Variants in EMSY observed in about 807,000 individuals in gnomAD.
EMSY encodes the protein EMSY transcriptional repressor, BRCA2 interacting, also known as BRCA2-interacting transcriptional repressor EMSY.
A neutral mutation model predicts 134.6 loss-of-function variants in EMSY; 26 were observed. That is an observed-to-expected ratio of 0.19 (90% CI 0.14 to 0.27). The LOEUF is 0.27. Among genes scored for constraint, EMSY ranks in the 10% least tolerant of loss-of-function variants. The probability of loss-of-function intolerance (pLI) is 1.00; values close to 1 mark genes in which losing one functional copy is unlikely to be tolerated. For synonymous variants in EMSY, 579 were observed against 577.8 expected, an observed-to-expected ratio of 1.00 and a Z score of -0.03; for missense variants, 1,305 against 1,611.4, an observed-to-expected ratio of 0.81 and a Z score of 3.26.
intron 8 of EMSY, among the ~76,000 whole-genome samples, chr11:76,483,658 T>C (rs1949067739): frequency 6.6e-6 from 1 of 152,044 alleles, no homozygotes; most frequent in South Asian, 2.1e-4. Flanking sequence ...GACAAGGGCA[T>C]TACATAATGG....
intron 14 of EMSY, among the ~76,000 whole-genome samples, chr11:76,531,327 C>A (rs1951033299): frequency 6.6e-6 from 1 of 152,202 alleles, no homozygotes; most frequent in Admixed American, 6.5e-5. Context: ...CAGGTCGACA[C>A]ATTGCATTTA....
At chr11:76,512,982 G>A (rs1950330238) in intron 9 of EMSY, among the ~76,000 whole-genome samples, 1 of 152,044 alleles carries the variant, frequency 6.6e-6, no homozygotes. Context: ...TGAATATTTT[G>A]GCGAAGTTGG....
intron 16 of EMSY, among the ~76,000 whole-genome samples, chr11:76,538,521 A>G (rs1435066775): frequency 6.6e-6 from 1 of 152,140 alleles, no homozygotes; most frequent in African/African-American, 2.4e-5. Context: ...TTGGCCTCCC[A>G]AAGTGCTGGA....
chr11:76,481,909 C>T (rs975820532), intron 8 of EMSY, among the ~76,000 whole-genome samples: 15 of 152,206 alleles, frequency 9.9e-5, no homozygotes, highest in Non-Finnish European at 1.6e-4. Flanking sequence ...AAGGGACAGA[C>T]TGCCTCCTCA....
At chr11:76,496,130 A>G (rs1949644985) in intron 8 of EMSY, 85 bp from the exon 10 acceptor site, 4 of 1,395,370 alleles carry the variant, frequency 2.9e-6, no homozygotes, top group African/African-American at 2.9e-5. Context: ...CCTATTCTTT[A>G]AACTATTATC....
exon 19 of EMSY, chr11:76,544,356 G>A (rs774216460): frequency 6.2e-7 from 1 of 1,614,134 alleles, no homozygotes; most frequent in Non-Finnish European, 8.5e-7. Context: ...CCTCAGACAG[G>A]TCTGTTTTAC....
intron 7 of EMSY, among the ~76,000 whole-genome samples, chr11:76,465,417 A>C (rs1370281080): frequency 1.3e-5 from 2 of 152,200 alleles, no homozygotes; most frequent in Admixed American, 1.3e-4. Flanking sequence ...TTTATTTTAT[A>C]GGATTTTTGG....
At chr11:76,457,126 A>G (rs1590785783) in intron 4 of EMSY, among the ~76,000 whole-genome samples, 1 of 152,026 alleles carries the variant, frequency 6.6e-6, no homozygotes, top group African/African-American at 2.4e-5. Context: ...GTGCTTAATG[A>G]TAACTATCAT....
chr11:76,512,984 C>T (rs545920197), intron 9 of EMSY, among the ~76,000 whole-genome samples: 1 of 152,110 alleles, frequency 6.6e-6, no homozygotes, highest in Non-Finnish European at 1.5e-5. Context: ...AATATTTTGG[C>T]GAAGTTGGGG....
chr11:76,475,167 G>A (rs1415588919), intron 8 of EMSY, among the ~76,000 whole-genome samples: 1 of 152,114 alleles, frequency 6.6e-6, no homozygotes, highest in Non-Finnish European at 1.5e-5. Flanking sequence ...AGAAGGAAAG[G>A]CCACCTGACT....
chr11:76,464,665 A>G (rs182937063), intron 7 of EMSY, among the ~76,000 whole-genome samples: 153 of 152,212 alleles, frequency 1.0e-3, no homozygotes, highest in African/African-American at 3.5e-3. Context: ...GGCTTGTTGT[A>G]CACCTATATT....
chr11:76,450,339 C>T (rs1352856764), intron 2 of EMSY, among the ~76,000 whole-genome samples: 4 of 151,674 alleles, frequency 2.6e-5, no homozygotes, highest in Non-Finnish European at 5.9e-5. Flanking sequence ...AAACATGTTT[C>T]CTGAAACTAA....
At chr11:76,445,987 G>A (rs1947372335) in intron 1 of EMSY, among the ~76,000 whole-genome samples, 1 of 152,178 alleles carries the variant, frequency 6.6e-6, no homozygotes, top group Non-Finnish European at 1.5e-5. Flanking sequence ...CAGCCCCAGC[G>A]CCTGGAACGG....
downstream of EMSY, chr11:76,552,408 G>C (rs1287895556): frequency 1.3e-5 from 2 of 152,270 alleles, no homozygotes; most frequent in Admixed American, 1.3e-4. Context: ...TTTACTGAAA[G>C]TCTTAGCATT....
intron 9 of EMSY, among the ~76,000 whole-genome samples, chr11:76,505,045 G>A (rs561782152): frequency 2.0e-5 from 3 of 152,230 alleles, no homozygotes; most frequent in African/African-American, 7.2e-5. Context: ...CATATTATGG[G>A]GTTTCCTTTT....
chr11:76,477,270 GT>G (rs529328999), intron 8 of EMSY, among the ~76,000 whole-genome samples: 1,506 of 139,156 alleles, frequency 0.011, 13 homozygotes, highest in Admixed American at 0.024. Context: ...ATTTATTTCT[GT>G]TTTTTTTTTT....
chr11:76,510,013 C>T (rs1188300484), intron 9 of EMSY, among the ~76,000 whole-genome samples: 2 of 152,300 alleles, frequency 1.3e-5, no homozygotes, highest in African/African-American at 2.4e-5. Flanking sequence ...CATCATGCCA[C>T]CGCACTTCAG....
chr11:76,528,247 A>AC, intron 13 of EMSY, 21 bp from the exon 15 acceptor site: 2 of 1,600,896 alleles, frequency 1.2e-6, no homozygotes, highest in Non-Finnish European at 1.7e-6. Flanking sequence ...TTATCTCAGT[A>AC]TATTTCTGCT....
chr11:76,486,308 GGTT>G (rs1949178976), intron 8 of EMSY, among the ~76,000 whole-genome samples: 1 of 152,160 alleles, frequency 6.6e-6, no homozygotes, highest in African/African-American at 2.4e-5. Context: ...GTAGATGACA[GGTT>G]GTTGGGTGCA....
Sources: gnomAD v4.1 joint callset for allele counts (sites outside exome capture counted in the v4.1 genomes callset) on GRCh38, gnomAD v4.1.1 for gene constraint, MANE v1.5 for transcripts, NCBI Gene and HGNC (gene_info 2026-07-23, HGNC 2026-07-21) for gene names.